Variants in F2R observed in about 807,000 individuals in gnomAD.
The protein encoded by F2R is coagulation factor II thrombin receptor, also known as proteinase-activated receptor 1.
In F2R, 12 loss-of-function variants were observed where a neutral mutation model predicts 18.3. The ratio of observed to expected loss-of-function variants is 0.66; its 90% CI spans 0.42 to 1.06. The LOEUF (loss-of-function observed/expected upper bound fraction) is 1.06, where lower values mean the gene tolerates loss of function less well. Among genes scored for constraint, F2R ranks in the 50% least tolerant of loss-of-function variants. The probability of loss-of-function intolerance (pLI) is 0.00; values close to 1 mark genes in which losing one functional copy is unlikely to be tolerated. For synonymous variants in F2R, 210 were observed against 219.9 expected, an observed-to-expected ratio of 0.95 and a Z score of 0.40; for missense variants, 438 against 530.8, an observed-to-expected ratio of 0.83 and a Z score of 1.72.
chr5:76,716,532 A>T, intron 1 of F2R, 137 bp downstream of exon 1: 1 of 795,020 alleles, frequency 1.3e-6, no homozygotes, highest in Non-Finnish European at 1.9e-6. Context: ...TGAGATCTGG[A>T]GTTTTTTCCA....
At chr5:76,720,344 A>T (rs1253186957) in intron 1 of F2R, among the ~76,000 whole-genome samples, 1 of 152,096 alleles carries the variant, frequency 6.6e-6, no homozygotes, top group Non-Finnish European at 1.5e-5. Flanking sequence ...GGAGACTGGG[A>T]GGATGGCCTG....
At chr5:76,723,413 A>G (rs989596813) in intron 1 of F2R, among the ~76,000 whole-genome samples, 1 of 152,204 alleles carries the variant, frequency 6.6e-6, no homozygotes, top group Non-Finnish European at 1.5e-5. Flanking sequence ...CCTCTACTTC[A>G]TAGCTGTGTG....
Position 76,716,296 on chromosome 5 carries a change from G to C in F2R, c.-12G>C. The C allele has an allele frequency of 7.3e-7, 1 of 1,367,422 alleles. No individual in the cohort carries two copies. Among genetic ancestry groups the C allele is most frequent in the South Asian group, 1.8e-5 (1 of 56,886 alleles). The allele number at this position is 1,367,422 out of a possible 1,614,324, so 84.7% of individuals were successfully genotyped here. A position where few individuals can be genotyped will look rare whatever the true frequency, so the allele number is the denominator to read the frequency against. On this transcript the variant is annotated 5_prime_UTR_variant, in exon 1 of 2. Transcript: ENST00000319211. ...CAGCCTCCCGGAGCAGCGCCGCGCA[G>C]AGCCCGGGACAATGGGGCCGCGGCG...
At chr5:76,721,625 T>C (rs1748457288) in intron 1 of F2R, among the ~76,000 whole-genome samples, 1 of 152,256 alleles carries the variant, frequency 6.6e-6, no homozygotes, top group African/African-American at 2.4e-5. Flanking sequence ...TATTATGGTA[T>C]TGTAGAATAG....
chr5:76,728,786 G>A (rs1020392674), intron 1 of F2R, among the ~76,000 whole-genome samples: 8 of 145,246 alleles, frequency 5.5e-5, no homozygotes, highest in Admixed American at 1.4e-4. Context: ...CGCCTCCTGC[G>A]TTCAAGCAAT....
intron 1 of F2R, among the ~76,000 whole-genome samples, chr5:76,731,652 C>T (rs1240773258): frequency 6.6e-6 from 1 of 151,980 alleles, no homozygotes; most frequent in Non-Finnish European, 1.5e-5. Context: ...GCCTCAGGCT[C>T]CCAAGTAGCT....
At chr5:76,723,384 C>G (rs1317850267) in intron 1 of F2R, among the ~76,000 whole-genome samples, 1 of 152,194 alleles carries the variant, frequency 6.6e-6, no homozygotes, top group Non-Finnish European at 1.5e-5. Flanking sequence ...CTGGGCAGAC[C>G]TAGGTTCAAA....
At chr5:76,728,348 C>G (rs1748608641) in intron 1 of F2R, among the ~76,000 whole-genome samples, 2 of 152,092 alleles carry the variant, frequency 1.3e-5, no homozygotes, top group Admixed American at 1.3e-4. Flanking sequence ...TCTACCCTAC[C>G]CACCCATCCA....
At position 76,733,332 on chromosome 5, in the gene F2R, A is replaced by G; in HGVS notation, c.1107A>G (p.Leu369=). ...VSSISCCIDP[L]IYYYASSECQ... ...GCATAAGCTGCTGCATCGACCCCCT[A>G]ATTTACTATTACGCTTCCTCTGAGT... The change falls in exon 2 of 2, where the codon CTA becomes CTG. Residue 369 remains leucine (L), a synonymous_variant. Coordinates refer to ENST00000319211, the MANE Select transcript of F2R (RefSeq NM_001992.5). 1.2e-6 allele frequency: 2 copies of G among 1,614,042 alleles called. No homozygotes were observed. The highest frequency in any genetic ancestry group is 1.7e-6 in the Non-Finnish European group (2 of 1,179,994).
Position 76,733,054 on chromosome 5 carries a change from GTCT to G in F2R, c.834_836del (p.Phe280del). On this transcript the variant is annotated inframe_deletion, in exon 2 of 2. Coordinates refer to ENST00000319211, the MANE Select transcript of F2R (RefSeq NM_001992.5). ...CTACTACTTCTCAGCCTTCTCTGCTGTCTTCTTTTTTGTGCCGCTGATCATTTC... is the reference window on the plus strand; with the variant it reads ...CTACTACTTCTCAGCCTTCTCTGCTGTCTTTTTTGTGCCGCTGATCATTTC... The G allele has an allele frequency of 6.2e-7, 1 of 1,614,136 alleles. No individual in the cohort carries two copies. Among genetic ancestry groups the G allele is most frequent in the Non-Finnish European group, 8.5e-7 (1 of 1,180,038 alleles).
At chr5:76,718,598 T>C (rs1472055909) in intron 1 of F2R, among the ~76,000 whole-genome samples, 2 of 152,220 alleles carry the variant, frequency 1.3e-5, no homozygotes, top group Non-Finnish European at 2.9e-5. Context: ...TGTCACTTTG[T>C]GTGTGTGTCT....
chr5:76,721,121 G>C (rs37248), intron 1 of F2R, among the ~76,000 whole-genome samples: 4 of 151,998 alleles, frequency 2.6e-5, no homozygotes, highest in African/African-American at 9.7e-5. Context: ...ACTAGTTTTC[G>C]TGAGCACCTA....
At chr5:76,719,163 G>A (rs1027828399) in intron 1 of F2R, among the ~76,000 whole-genome samples, 8 of 152,194 alleles carry the variant, frequency 5.3e-5, no homozygotes, top group African/African-American at 1.4e-4. Context: ...ACTGACTACA[G>A]CTGACATCCT....
Position 76,733,697 on chromosome 5 carries a change from C to T in F2R, c.*194C>T, listed in dbSNP as rs569367818. On this transcript the variant is annotated 3_prime_UTR_variant, in exon 2 of 2. Transcript: ENST00000319211. Reference sequence around the variant, plus strand: ...CCAGAAAGATAACAGGACGAGATGACGGTGTTATTCCAAGGGAATATTGCC... The same window carrying T: ...CCAGAAAGATAACAGGACGAGATGATGGTGTTATTCCAAGGGAATATTGCC... The T allele has an allele frequency of 1.3e-4, 77 of 573,822 alleles. 1 individual carries two copies. The highest frequency in any genetic ancestry group is 1.1e-3 in the South Asian group (49 of 45,814). The allele number at this position is 573,822 out of a possible 1,614,324, so 35.5% of individuals were successfully genotyped here. A position where few individuals can be genotyped will look rare whatever the true frequency, so the allele number is the denominator to read the frequency against.
Position 76,734,065 on chromosome 5 carries a change from C to T in F2R, c.*562C>T, listed in dbSNP as rs2150584376. 6.5e-6 allele frequency: 1 copy of T among 153,916 alleles called. No homozygotes were observed. The allele number at this position is 153,916 out of a possible 1,614,324, so 9.5% of individuals were successfully genotyped here. A position where few individuals can be genotyped will look rare whatever the true frequency, so the allele number is the denominator to read the frequency against. On this transcript the variant is annotated 3_prime_UTR_variant, in exon 2 of 2. Coordinates refer to ENST00000319211, the MANE Select transcript of F2R (RefSeq NM_001992.5). ...AGGTTTAAGTTATTAAGAGGTAAGA[C>T]TTAGTACTATCTGTGCGTAGAAGTT...
rs1471577176 is a variant in F2R at position 76,733,438 on chromosome 5, G to A, written c.1213G>A (p.Ala405Thr). 6.2e-7 allele frequency: 1 copy of A among 1,614,126 alleles called. No individual in the cohort carries two copies. The highest frequency in any genetic ancestry group is 1.7e-5 in the Admixed American group (1 of 60,018). Reference protein sequence around the residue: ...SSYNSSGQLMASKMDTCSSNL... With the variant: ...SSYNSSGQLMTSKMDTCSSNL... The stretch of plus-strand genomic sequence containing the variant: ...TTATAACAGCAGTGGGCAGTTGATG[G>A]CAAGTAAAATGGATACCTGCTCTAG... The change falls in exon 2 of 2, where the codon GCA becomes ACA. Residue 405 changes from alanine to threonine, a missense_variant. Ala to Thr is a moderately conservative substitution (Grantham distance 58). Transcript: ENST00000319211.
intron 1 of F2R, among the ~76,000 whole-genome samples, chr5:76,728,506 T>G (rs1748611871): frequency 6.6e-6 from 1 of 152,212 alleles, no homozygotes; most frequent in Admixed American, 6.5e-5. Flanking sequence ...CTCATCCATG[T>G]TGTTGCAAAT....
intron 1 of F2R, among the ~76,000 whole-genome samples, chr5:76,728,372 C>T (rs1748609560): frequency 6.6e-6 from 1 of 152,220 alleles, no homozygotes; most frequent in Admixed American, 6.5e-5. Flanking sequence ...CCAGCCTCTA[C>T]TAACCACCAT....
At chr5:76,723,271 C>A (rs2227774) in intron 1 of F2R, among the ~76,000 whole-genome samples, 52,724 of 152,026 alleles carry the variant, frequency 0.35, 10,938 homozygotes, top group African/African-American at 0.58. Flanking sequence ...TGTTTGGTGA[C>A]ATGCAAAGAG....
Sources: gnomAD v4.1 joint callset for allele counts (sites outside exome capture counted in the v4.1 genomes callset) on GRCh38, gnomAD v4.1.1 for gene constraint, MANE v1.5 for transcripts, NCBI Gene and HGNC (gene_info 2026-07-23, HGNC 2026-07-21) for gene names.